Variants in MCCC1 observed in about 807,000 individuals in gnomAD.
The protein encoded by MCCC1 is methylcrotonoyl-CoA carboxylase subunit alpha, mitochondrial.
MCCC1 carries 64 observed loss-of-function variants against 83.8 expected under a neutral mutation model. That is an observed-to-expected ratio of 0.76 (90% CI 0.62 to 0.94). MCCC1 has a LOEUF of 0.94. Ranked by LOEUF, MCCC1 falls within the 40% of genes least tolerant of loss-of-function variation. MCCC1 has a pLI of 0.00. For missense variants in MCCC1, 807 were observed against 904.7 expected, an observed-to-expected ratio of 0.89 and a Z score of 1.39; for synonymous variants, 322 against 315.4, an observed-to-expected ratio of 1.02 and a Z score of -0.22.
intron 7 of MCCC1, among the ~76,000 whole-genome samples, chr3:183,069,484 C>CT (rs536154613): frequency 8.0e-4 from 120 of 150,782 alleles, no homozygotes; most frequent in African/African-American, 5.4e-4. Flanking sequence ...ATGCCCCCCC[C>CT]TTTTTTTTTG....
chr3:183,092,959 T>A (rs1296123466), intron 2 of MCCC1, among the ~76,000 whole-genome samples: 5 of 151,858 alleles, frequency 3.3e-5, no homozygotes, highest in African/African-American at 1.2e-4. Context: ...AATGGTGTGA[T>A]CTCGGCTCAC....
intron 17 of MCCC1, chr3:183,017,810 GCCC>G (rs1449700972): frequency 1.2e-5 from 2 of 173,244 alleles, no homozygotes; most frequent in African/African-American, 2.4e-5. Context: ...GAGGCCTACA[GCCC>G]AAATGTACTG....
At chr3:183,046,801 T>A (rs545485772) in intron 9 of MCCC1, among the ~76,000 whole-genome samples, 3 of 152,220 alleles carry the variant, frequency 2.0e-5, no homozygotes, top group African/African-American at 7.2e-5. Context: ...AAATCAACAA[T>A]TTTTAAATTT....
chr3:183,104,767 A>G (rs1326790283), intron 1 of MCCC1, among the ~76,000 whole-genome samples: 1 of 152,226 alleles, frequency 6.6e-6, no homozygotes, highest in Non-Finnish European at 1.5e-5. Flanking sequence ...TACTTCACCT[A>G]TCATATTAGC....
At chr3:183,062,430 C>T (rs1330351846) in intron 7 of MCCC1, among the ~76,000 whole-genome samples, 3 of 149,248 alleles carry the variant, frequency 2.0e-5, no homozygotes, top group African/African-American at 7.4e-5. Flanking sequence ...TCTCAGCTCA[C>T]TGCAACCTCC....
At chr3:183,050,161 T>C (rs1714856427) in intron 9 of MCCC1, among the ~76,000 whole-genome samples, 1 of 151,940 alleles carries the variant, frequency 6.6e-6, no homozygotes, top group South Asian at 2.1e-4. Context: ...AAGACCAGCC[T>C]GGGCAATATG....
intron 9 of MCCC1, 96 bp downstream of exon 9, chr3:183,052,063 G>T: frequency 8.8e-7 from 1 of 1,141,902 alleles, no homozygotes; most frequent in Non-Finnish European, 1.3e-6. Context: ...AAAACAGCTT[G>T]AAAGCAACTG....
chr3:183,045,942 G>T (rs1714525471), intron 9 of MCCC1, among the ~76,000 whole-genome samples: 1 of 152,100 alleles, frequency 6.6e-6, no homozygotes, highest in Non-Finnish European at 1.5e-5. Flanking sequence ...TGGGCTCCTA[G>T]GAATTTCTTT....
At chr3:183,033,166 A>G (rs757228808) in intron 14 of MCCC1, among the ~76,000 whole-genome samples, 5 of 152,204 alleles carry the variant, frequency 3.3e-5, no homozygotes, top group Non-Finnish European at 7.3e-5. Context: ...CTGCTGCTAC[A>G]CTGCTCCAGC....
In MCCC1 at chr3:183,099,335, A is replaced by G; in HGVS notation, c.89+17T>C. The G allele has an allele frequency of 6.3e-7, 1 of 1,585,348 alleles. No individual in the cohort carries two copies. Among genetic ancestry groups the G allele is most frequent in the Non-Finnish European group, 8.6e-7 (1 of 1,168,560 alleles). On this transcript the variant is annotated intron_variant, in intron 1 of 18. Transcript: ENST00000265594. ...CGCTCCCGCCTCTGCCCACTGAGCC[A>G]TGGCCCCTCCACCCACCTCGGCGGC...
intron 4 of MCCC1, among the ~76,000 whole-genome samples, 187 bp downstream of exon 4, chr3:183,086,506 C>T (rs1456029621): frequency 6.6e-6 from 1 of 152,164 alleles, no homozygotes; most frequent in Admixed American, 6.6e-5. Flanking sequence ...CTAAAGTACA[C>T]AGGATCCAGT....
At chr3:183,102,239 A>G (rs1428693570), upstream of MCCC1, among the ~76,000 whole-genome samples, 2 of 152,022 alleles carry the variant, frequency 1.3e-5, no homozygotes, top group South Asian at 2.1e-4. Flanking sequence ...AATGATGCAC[A>G]CTTGTAGTCC....
chr3:183,114,536 G>A lies in MCCC1; in HGVS notation c.-102+938C>T, dbSNP rs967364432. On this transcript the variant is annotated intron_variant, in intron 1 of 17. Coordinates refer to the MCCC1 transcript ENST00000492597. ...CCACTGCAGAACTGATGGCTTGCTC[G>A]GTATTTGAGGGTGGGGAGAAACATA... Among the ~76,000 whole-genome samples, 13 of 152,214 alleles carry A rather than the reference G, an allele frequency of 8.5e-5. No homozygotes were observed. The South Asian group carries it at 1.0e-3, about 12-fold the overall frequency.
intron 11 of MCCC1, among the ~76,000 whole-genome samples, chr3:183,040,556 C>CAAAA (rs59767617): frequency 0.039 from 4,429 of 112,544 alleles, 387 homozygotes; most frequent in African/African-American, 0.14. Context: ...ACTAAAAATA[C>CAAAA]AAAAAAAAAA....
intron 10 of MCCC1, among the ~76,000 whole-genome samples, chr3:183,043,100 G>A (rs947301498): frequency 6.6e-5 from 10 of 152,166 alleles, no homozygotes; most frequent in African/African-American, 2.4e-4. Flanking sequence ...GACCAGCCTG[G>A]CCAACATGGT....
At chr3:183,047,028 T>C (rs953987551) in intron 9 of MCCC1, among the ~76,000 whole-genome samples, 2 of 152,222 alleles carry the variant, frequency 1.3e-5, no homozygotes, top group African/African-American at 4.8e-5. Context: ...CCAGGAGCTC[T>C]ACCAGGTCTT....
At chr3:183,076,316 T>G (rs189014114) in intron 4 of MCCC1, among the ~76,000 whole-genome samples, 1 of 152,330 alleles carries the variant, frequency 6.6e-6, no homozygotes, top group Admixed American at 6.5e-5. Context: ...CTTCTTTAAC[T>G]TCACATAATT....
chr3:183,037,023 G>C (rs1404859699), intron 13 of MCCC1, among the ~76,000 whole-genome samples, 195 bp downstream of exon 13: 2 of 152,010 alleles, frequency 1.3e-5, no homozygotes, highest in Non-Finnish European at 2.9e-5. Context: ...TCCAGTTAAT[G>C]GGTTAAATAG....
At chr3:183,047,395 T>C (rs1366296392) in intron 9 of MCCC1, among the ~76,000 whole-genome samples, 1 of 152,142 alleles carries the variant, frequency 6.6e-6, no homozygotes. Flanking sequence ...AAGGCCTGTT[T>C]AGCAAAATTC....
Sources: allele counts gnomAD v4.1 joint callset (sites outside exome capture counted in the v4.1 genomes callset), GRCh38; gene constraint gnomAD v4.1.1; transcripts MANE v1.5; gene names NCBI Gene and HGNC (gene_info 2026-07-23, HGNC 2026-07-21).